Variants in CSMD3 observed in about 807,000 individuals in gnomAD.
CSMD3 encodes the protein CUB and sushi domain-containing protein 3.
CSMD3 carries 177 observed loss-of-function variants against 435.2 expected under a neutral mutation model. The ratio of observed to expected loss-of-function variants is 0.41; its 90% confidence interval spans 0.36 to 0.46. CSMD3 has a LOEUF of 0.46. Among genes scored for constraint, CSMD3 ranks in the 20% least tolerant of loss-of-function variants. CSMD3 has a pLI of 0.34. For missense variants in CSMD3, 4,265 were observed against 4,504.6 expected (o/e 0.95, Z 1.52); for synonymous variants, 1,656 against 1,520.5 (o/e 1.09, Z -2.07).
At chr8:112,427,223 T>C (rs1813154060) in intron 32 of CSMD3, among the ~76,000 whole-genome samples, 1 of 152,132 alleles carries the variant, frequency 6.6e-6, no homozygotes, top group African/African-American at 2.4e-5. Context: ...CCCAAGTCTT[T>C]CCTGACTTGA....
intron 10 of CSMD3, among the ~76,000 whole-genome samples, chr8:112,907,862 A>C (rs980346848): frequency 1.3e-5 from 2 of 151,466 alleles, no homozygotes; most frequent in African/African-American, 4.8e-5. Context: ...GATACTAGTG[A>C]TATGTAAATC....
At chr8:113,169,957 T>C (rs2092236808) in intron 4 of CSMD3, among the ~76,000 whole-genome samples, 1 of 152,160 alleles carries the variant, frequency 6.6e-6, no homozygotes, top group African/African-American at 2.4e-5. Flanking sequence ...TTGATAAAAT[T>C]CATCCTGCCT....
chr8:112,485,041 T>C (rs1819988082), intron 31 of CSMD3, among the ~76,000 whole-genome samples: 1 of 152,154 alleles, frequency 6.6e-6, no homozygotes, highest in Admixed American at 6.5e-5. Context: ...GGGATTTGTT[T>C]ATAACAATGT....
At chr8:113,365,001 TTTTC>T (rs2094302227) in intron 1 of CSMD3, among the ~76,000 whole-genome samples, 1 of 152,124 alleles carries the variant, frequency 6.6e-6, no homozygotes, top group African/African-American at 2.4e-5. Flanking sequence ...CTTGGAATTC[TTTTC>T]TTTTTCATGG....
intron 1 of CSMD3, among the ~76,000 whole-genome samples, chr8:113,337,980 A>C (rs547104146): frequency 6.6e-6 from 1 of 152,146 alleles, no homozygotes; most frequent in African/African-American, 2.4e-5. Context: ...ATAAATAACA[A>C]AAGGAAAGTG....
intron 10 of CSMD3, among the ~76,000 whole-genome samples, 169 bp from the exon 11 acceptor site, chr8:112,859,435 C>G (rs190089702): frequency 3.3e-5 from 5 of 151,760 alleles, no homozygotes; most frequent in East Asian, 1.9e-4. Flanking sequence ...GTTTTTAACA[C>G]CCTGGGATTC....
rs568966040 is a variant in CSMD3, at chr8:112,650,892, A to T, written c.3005-543T>A. 1.0e-3 allele frequency among the ~76,000 whole-genome samples: 152 copies of T among 152,306 alleles called. 1 individual carries two copies. Among genetic ancestry groups the T allele is most frequent in the African/African-American group, 3.4e-3 (141 of 41,562 alleles). ...CCTGATATCTTCCTTGCAATTTACA[A>T]TCCCTAGCTGAGATCATACCATGAC... On this transcript the variant is annotated intron_variant, in intron 18 of 70. Coordinates refer to ENST00000297405, the MANE Select transcript of CSMD3 (RefSeq NM_198123.2).
At chr8:112,609,201 CAAAAAAAAAAAAAAAAAAAA>C (rs71566035) in intron 22 of CSMD3, among the ~76,000 whole-genome samples, 1 of 43,106 alleles carries the variant, frequency 2.3e-5, no homozygotes, top group Non-Finnish European at 4.1e-5. Flanking sequence ...GATACTGCCT[CAAAAAAAAAAAAAAAAAAAA>C]AAAAAAAAAA....
At chr8:112,698,971 A>C (rs1034541819) in intron 13 of CSMD3, among the ~76,000 whole-genome samples, 5 of 152,116 alleles carry the variant, frequency 3.3e-5, no homozygotes, top group Non-Finnish European at 7.4e-5. Context: ...TTGTAAATGC[A>C]CCAATCAGCA....
rs1438810680 is a variant in CSMD3, at chr8:112,390,735, A to G, written c.5863T>C (p.Tyr1955His). The change falls in exon 36 of 71, where the codon TAC (tyrosine) becomes CAC (histidine). Residue 1955 changes from tyrosine to histidine, a missense_variant. By Grantham distance (83) the Tyr-to-His change is moderately conservative (BLOSUM62 2). This residue lies in a region of CSMD3 where 3,255 missense variants were observed against 3,380.2 expected (regional missense o/e 0.96). Coordinates refer to ENST00000297405, the MANE Select transcript of CSMD3 (RefSeq NM_198123.2). ...AGATTGTTGTCATAAGGCTCAGGGTATCCAGGTGACAAAATAGTCCCTTTG... is the reference window on the plus strand; with the variant it reads ...AGATTGTTGTCATAAGGCTCAGGGTGTCCAGGTGACAAAATAGTCCCTTTG... ...KRKGTILSPG[Y>H]PEPYDNNLNC... 2.5e-6 allele frequency: 4 copies of G among 1,612,872 alleles called. No homozygotes were observed. The highest frequency in any genetic ancestry group is 3.4e-6 in the Non-Finnish European group (4 of 1,178,860).
At chr8:112,518,617 T>C (rs1308140313) in intron 27 of CSMD3, among the ~76,000 whole-genome samples, 1 of 127,046 alleles carries the variant, frequency 7.9e-6, no homozygotes, top group Non-Finnish European at 1.8e-5. Context: ...GGTGTGTGTG[T>C]GTGTGTGTGT....
chr8:113,273,658 T>C (rs947940993), intron 3 of CSMD3, among the ~76,000 whole-genome samples: 1 of 152,118 alleles, frequency 6.6e-6, no homozygotes, highest in East Asian at 1.9e-4. Flanking sequence ...TTGGAGTGTA[T>C]CCCTCACAGA....
intron 4 of CSMD3, among the ~76,000 whole-genome samples, chr8:113,111,008 C>G (rs1289052699): frequency 1.3e-5 from 2 of 152,100 alleles, no homozygotes; most frequent in African/African-American, 2.4e-5. Flanking sequence ...TATTCCCATT[C>G]ATGAGAGTTC....
intron 5 of CSMD3, among the ~76,000 whole-genome samples, chr8:113,041,174 C>A (rs749835485): frequency 1.6e-5 from 2 of 127,926 alleles, no homozygotes; most frequent in South Asian, 4.8e-4. Flanking sequence ...ACACTGCACG[C>A]CAGCCTGGGT....
chr8:112,892,594 A>C (rs2081829912), intron 10 of CSMD3, among the ~76,000 whole-genome samples: 2 of 151,536 alleles, frequency 1.3e-5, no homozygotes, highest in South Asian at 4.1e-4. Flanking sequence ...TGCTTTATGG[A>C]AACATCAACA....
intron 10 of CSMD3, among the ~76,000 whole-genome samples, chr8:112,895,897 G>A (rs2081936830): frequency 6.6e-6 from 1 of 151,352 alleles, no homozygotes; most frequent in Admixed American, 6.6e-5. Context: ...GTAAGAAAAA[G>A]CAGAAGAAGA....
At chr8:112,229,388 T>C (rs1812876065) in intron 69 of CSMD3, among the ~76,000 whole-genome samples, 1 of 151,888 alleles carries the variant, frequency 6.6e-6, no homozygotes, top group South Asian at 2.1e-4. Context: ...GGAATAAATA[T>C]CATTCTGACG....
At chr8:112,605,767 G>T (rs1308062164) in intron 22 of CSMD3, among the ~76,000 whole-genome samples, 1 of 152,028 alleles carries the variant, frequency 6.6e-6, no homozygotes, top group Non-Finnish European at 1.5e-5. Flanking sequence ...ACCTGCACAT[G>T]TACCCCCTGA....
intron 4 of CSMD3, among the ~76,000 whole-genome samples, chr8:113,099,808 A>G (rs1196487940): frequency 1.3e-5 from 2 of 152,064 alleles, no homozygotes; most frequent in Non-Finnish European, 2.9e-5. Context: ...AAGGAATTGA[A>G]GCTGGGGCAT....
Sources: gnomAD v4.1 joint callset for allele counts (sites outside exome capture counted in the v4.1 genomes callset) on GRCh38, gnomAD v4.1.1 for gene constraint, gnomAD v4.1.1 regional missense constraint, MANE v1.5 for transcripts, NCBI Gene and HGNC (gene_info 2026-07-23, HGNC 2026-07-21) for gene names.